The following GALNT11 variants were observed in gnomAD, a reference collection of about 807,000 sequenced individuals.
GALNT11 encodes polypeptide N-acetylgalactosaminyltransferase 11, also known as UDP-GalNAc:polypeptide N-acetylgalactosaminyltransferase 11.
A neutral mutation model predicts 72.7 loss-of-function variants in GALNT11; 47 were observed. The observed-to-expected ratio is 0.65, with a 90% CI of 0.51 to 0.82. GALNT11 has a LOEUF of 0.82. Among genes scored for constraint, GALNT11 ranks in the 40% least tolerant of loss-of-function variants. The pLI, the probability that GALNT11 is intolerant of heterozygous loss-of-function variation, is 0.00. For missense variants in GALNT11, 677 were observed against 778.4 expected (o/e 0.87, Z 1.55); for synonymous variants, 270 against 286.6 (o/e 0.94, Z 0.58).
intron 1 of GALNT11, among the ~76,000 whole-genome samples, chr7:152,052,584 T>C (rs2083454908): frequency 6.6e-6 from 1 of 152,180 alleles, no homozygotes; most frequent in South Asian, 2.1e-4. Context: ...TTCTCACCTG[T>C]CTTAGCTTCT....
chr7:152,121,013 A>G, intron 11 of GALNT11, 45 bp downstream of exon 11: 2 of 1,593,754 alleles, frequency 1.3e-6, no homozygotes, highest in South Asian at 1.1e-5. Flanking sequence ...AGAGGCCCAC[A>G]AGGTTGAGTG....
At chr7:152,048,821 T>C (rs2083265935) in intron 1 of GALNT11, among the ~76,000 whole-genome samples, 1 of 151,838 alleles carries the variant, frequency 6.6e-6, no homozygotes, top group African/African-American at 2.4e-5. Context: ...CTTGTTTTTT[T>C]CTTTTGTCTC....
intron 1 of GALNT11, among the ~76,000 whole-genome samples, chr7:152,066,203 G>T (rs987157550): frequency 3.3e-5 from 5 of 152,238 alleles, no homozygotes; most frequent in African/African-American, 1.2e-4. Context: ...TGTTAGCAAT[G>T]AGCAAGGCTC....
In GALNT11 at chr7:152,099,341, CTTTTA is replaced by C. The variant is rs1021169649; in HGVS notation, c.296-1453_296-1449del. The stretch of plus-strand genomic sequence containing the variant: ...AGTTCTACTATTTTTTAAAAATGGA[CTTTTA>C]TTTATTTATTTATTTATTTATTTAT... On this transcript the variant is annotated intron_variant, in intron 2 of 11. Transcript: ENST00000430044. Among the ~76,000 whole-genome samples the C allele has an allele frequency of 5.8e-5, 8 of 137,538 alleles. No individual in the cohort carries two copies. The East Asian group carries it at 6.7e-4, about 11-fold the overall frequency. The allele number at this position is 137,538 out of a possible 152,430, so 90.2% of individuals were successfully genotyped here. A position where few individuals can be genotyped will look rare whatever the true frequency, so the allele number is the denominator to read the frequency against.
chr7:152,116,978 G>A (rs1330368827), intron 8 of GALNT11, 179 bp from the exon 9 acceptor site: 24 of 708,372 alleles, frequency 3.4e-5, no homozygotes, highest in Non-Finnish European at 5.6e-5. Flanking sequence ...AGACTCACGA[G>A]TTTGAGACCC....
intron 2 of GALNT11, among the ~76,000 whole-genome samples, chr7:152,099,705 T>G (rs1234630153): frequency 6.6e-6 from 1 of 150,568 alleles, no homozygotes; most frequent in African/African-American, 2.4e-5. Flanking sequence ...ACAGTGACTT[T>G]GATTAGGCCT....
chr7:152,114,092 G>T (rs144677276), intron 8 of GALNT11, among the ~76,000 whole-genome samples: 2 of 151,834 alleles, frequency 1.3e-5, no homozygotes, highest in South Asian at 2.1e-4. Flanking sequence ...ATTGGACTTC[G>T]TGGTGACCCA....
Position 152,051,523 on chromosome 7 carries a change from C to A in GALNT11, c.-39+25639C>A, listed in dbSNP as rs554360797. Among the ~76,000 whole-genome samples, 13 of 152,128 alleles carry A rather than the reference C, an allele frequency of 8.5e-5. 1 individual carries two copies. Among genetic ancestry groups the A allele is most frequent in the Non-Finnish European group, 1.9e-4 (13 of 68,006 alleles). On this transcript the variant is annotated intron_variant, in intron 1 of 11. Transcript: ENST00000430044. ...ATTTGGTCTATTCCTTTCTACTTCA[C>A]ATTATGAGAACAGTTGGTTGGTTGG...
intron 1 of GALNT11, among the ~76,000 whole-genome samples, chr7:152,038,720 A>G (rs959886671): frequency 6.6e-6 from 1 of 152,206 alleles, no homozygotes; most frequent in African/African-American, 2.4e-5. Flanking sequence ...CACAAAGACA[A>G]CACAGATTAA....
At chr7:152,038,114 C>T (rs986449611) in intron 1 of GALNT11, among the ~76,000 whole-genome samples, 7 of 152,114 alleles carry the variant, frequency 4.6e-5, no homozygotes, top group African/African-American at 1.7e-4. Context: ...GTTTTCATTG[C>T]AGAGATCATT....
At chr7:152,042,648 C>G (rs2082922223) in intron 1 of GALNT11, among the ~76,000 whole-genome samples, 3 of 152,162 alleles carry the variant, frequency 2.0e-5, no homozygotes, top group Admixed American at 2.0e-4. Context: ...TTTCCTGTTC[C>G]CATGCCAGGG....
intron 1 of GALNT11, among the ~76,000 whole-genome samples, chr7:152,066,859 C>G (rs1256995000): frequency 6.6e-6 from 1 of 152,150 alleles, no homozygotes; most frequent in African/African-American, 2.4e-5. Flanking sequence ...CATCAAAGAT[C>G]ATCGACACAG....
chr7:152,064,082 G>A (rs1454767455), intron 1 of GALNT11, among the ~76,000 whole-genome samples: 1 of 152,188 alleles, frequency 6.6e-6, no homozygotes, highest in African/African-American at 2.4e-5. Flanking sequence ...CATTATTATT[G>A]TGTGGGAGTC....
At chr7:152,027,248 C>CA (rs1228406402) in intron 1 of GALNT11, among the ~76,000 whole-genome samples, 1 of 152,062 alleles carries the variant, frequency 6.6e-6, no homozygotes, top group African/African-American at 2.4e-5. Context: ...GACTCCATCT[C>CA]AAAAAAATTT....
At chr7:152,059,623 A>T (rs754102645) in intron 1 of GALNT11, among the ~76,000 whole-genome samples, 14 of 152,322 alleles carry the variant, frequency 9.2e-5, no homozygotes, top group Non-Finnish European at 2.1e-4. Flanking sequence ...ATCTCCTTGT[A>T]TATATCCATG....
chr7:152,072,009 CA>C (rs11366450), intron 1 of GALNT11, among the ~76,000 whole-genome samples: 18,674 of 67,058 alleles, frequency 0.28, 2,290 homozygotes, highest in African/African-American at 0.5. Flanking sequence ...AACTCTGTCT[CA>C]AAAAAAAAAA....
In GALNT11 at chr7:152,117,318, A is replaced by G. The variant is rs779817846; in HGVS notation, c.1395A>G (p.Gln465=). ...MQISGSHAKP[Q]QPIFVNRGPK... is the part of the protein sequence containing the mutation. ...TATCTGGGTCCCACGCCAAACCCCAACAACCCATTTTTGTCAATAGAGGGC... is the reference window on the plus strand; with the variant it reads ...TATCTGGGTCCCACGCCAAACCCCAGCAACCCATTTTTGTCAATAGAGGGC... The change falls in exon 9 of 12, where the codon CAA becomes CAG. Residue 465 remains glutamine (Q), a synonymous_variant. Coordinates refer to ENST00000430044, the MANE Select transcript of GALNT11 (RefSeq NM_022087.4). 4.3e-6 allele frequency: 7 copies of G among 1,614,112 alleles called. No individual in the cohort carries two copies. In the South Asian group the frequency reaches 4.4e-5, roughly 10 times the overall value.
chr7:152,110,698 T>G, intron 7 of GALNT11, 53 bp downstream of exon 7: 2 of 1,208,878 alleles, frequency 1.7e-6, no homozygotes, highest in Non-Finnish European at 2.4e-6. Flanking sequence ...AATATGATTT[T>G]CATCCATGAT....
At chr7:152,044,021 C>T (rs191925432) in intron 1 of GALNT11, among the ~76,000 whole-genome samples, 9 of 152,226 alleles carry the variant, frequency 5.9e-5, no homozygotes, top group African/African-American at 1.7e-4. Flanking sequence ...GACCTGGGTT[C>T]GAGCCCCACG....
Sources: allele counts gnomAD v4.1 joint callset (sites outside exome capture counted in the v4.1 genomes callset), GRCh38; gene constraint gnomAD v4.1.1; transcripts MANE v1.5; gene names NCBI Gene and HGNC (gene_info 2026-07-23, HGNC 2026-07-21).